ARL6IP6: variants seen among roughly 807,000 people sequenced by gnomAD.
ARL6IP6 encodes ADP-ribosylation factor-like protein 6-interacting protein 6.
Under a neutral mutation model 21.5 loss-of-function variants are expected in ARL6IP6, and 22 were observed. That is an observed-to-expected ratio of 1.02 (90% CI 0.73 to 1.46). The LOEUF is 1.46. ARL6IP6 is among the 40% of genes most tolerant of loss of function. The pLI is 0.00. For missense variants in ARL6IP6, 388 were observed against 299.8 expected (o/e 1.29, Z -2.17); for synonymous variants, 164 against 125.3 (o/e 1.31, Z -2.06).
At chr2:152,734,359 A>G (rs1700457322) in intron 2 of ARL6IP6, among the ~76,000 whole-genome samples, 1 of 148,426 alleles carries the variant, frequency 6.7e-6, no homozygotes, top group Non-Finnish European at 1.5e-5. Context: ...TTCATAAGAA[A>G]ACTGTAAAGA....
upstream of ARL6IP6, chr2:152,717,648 G>A: frequency 2.1e-6 from 3 of 1,423,426 alleles, 1 homozygote; most frequent in African/African-American, 2.9e-5. Flanking sequence ...GGGGGAGGAG[G>A]AGGACGGAGG....
chr2:152,740,125 T>C (rs185568628), intron 3 of ARL6IP6, among the ~76,000 whole-genome samples: 5 of 152,228 alleles, frequency 3.3e-5, no homozygotes, highest in Admixed American at 3.3e-4. Flanking sequence ...TGAGACAAGG[T>C]CTGGTTTGGT....
intron 3 of ARL6IP6, among the ~76,000 whole-genome samples, chr2:152,747,122 G>A (rs527993073): frequency 1.3e-5 from 2 of 151,984 alleles, no homozygotes; most frequent in East Asian, 1.9e-4. Flanking sequence ...GAGCCACCAC[G>A]CCCAGCCAAC....
intron 1 of ARL6IP6, 94 bp downstream of exon 1, chr2:152,719,118 G>A: frequency 2.9e-6 from 4 of 1,364,816 alleles, no homozygotes; most frequent in Non-Finnish European, 3.8e-6. Flanking sequence ...CTCGCGCTAA[G>A]CCCTCAGGCT....
In ARL6IP6 at chr2:152,735,082, A is replaced by G. The variant is rs763848825; in HGVS notation, c.543A>G (p.Glu181=). The G allele has an allele frequency of 1.3e-5, 21 of 1,613,764 alleles. No individual in the cohort carries two copies. Among genetic ancestry groups the G allele is most frequent in the Non-Finnish European group, 1.7e-5 (20 of 1,179,808 alleles). Residue 181 remains glutamate, a synonymous_variant, in exon 3 of 4, where the codon GAA becomes GAG. Transcript: ENST00000326446. ...CAGTGACTTACTTTGATTCTTTTGA[A>G]CCAGGAATGTTTCCTCCTACTCCTC... ...SWTVTYFDSF[E]PGMFPPTPLS...
At chr2:152,718,021 A>AG, upstream of ARL6IP6, 1 of 994,288 alleles carries the variant, frequency 1.0e-6, no homozygotes, top group Non-Finnish European at 1.2e-6. Context: ...CTGGGGAAGG[A>AG]GGCGTGTCGA....
intron 1 of ARL6IP6, 32 bp from the exon 2 acceptor site, chr2:152,720,501 T>A: frequency 6.2e-7 from 1 of 1,604,996 alleles, no homozygotes; most frequent in South Asian, 1.1e-5. Context: ...ATAGTATTGC[T>A]TTCCTACCTA....
chr2:152,748,853 T>C (rs1173656041), intron 3 of ARL6IP6, among the ~76,000 whole-genome samples: 1 of 152,210 alleles, frequency 6.6e-6, no homozygotes, highest in African/African-American at 2.4e-5. Context: ...GTGTTTAGTA[T>C]TGTAGTATAG....
rs1378272205 is a variant in ARL6IP6 at position 152,759,791 on chromosome 2, T to C, written c.632T>C (p.Ile211Thr). The C allele has an allele frequency of 1.9e-6, 3 of 1,613,592 alleles. No homozygotes were observed. Among genetic ancestry groups the C allele is most frequent in the Admixed American group, 1.7e-5 (1 of 60,020 alleles). Residue 211 changes from isoleucine (I) to threonine (T), a missense_variant, in exon 4 of 4, where the codon ATT becomes ACT. Coordinates refer to ENST00000326446, the MANE Select transcript of ARL6IP6 (RefSeq NM_152522.7). Reference sequence around the variant, plus strand: ...TTCCACATGGGCTATAGCATGGCGATTTTGAATGGCATCGTAGCTGCTCTT... The same window carrying C: ...TTCCACATGGGCTATAGCATGGCGACTTTGAATGGCATCGTAGCTGCTCTT... ...HSFHMGYSMA[I>T]LNGIVAALTV...
At chr2:152,745,906 T>G (rs539753325) in intron 3 of ARL6IP6, among the ~76,000 whole-genome samples, 3 of 151,924 alleles carry the variant, frequency 2.0e-5, no homozygotes, top group Non-Finnish European at 2.9e-5. Flanking sequence ...AATGGAGATA[T>G]GCATAGATAT....
chr2:152,757,615 C>T (rs1042409309), intron 3 of ARL6IP6, among the ~76,000 whole-genome samples: 1 of 152,122 alleles, frequency 6.6e-6, no homozygotes, highest in East Asian at 1.9e-4. Context: ...GAGAGAAAGC[C>T]TGCAGGGATT....
chr2:152,722,609 A>G (rs915000835), intron 2 of ARL6IP6, among the ~76,000 whole-genome samples: 1 of 152,184 alleles, frequency 6.6e-6, no homozygotes, highest in Non-Finnish European at 1.5e-5. Context: ...TCTTAATAAG[A>G]TTGAGGTGAT....
intron 3 of ARL6IP6, among the ~76,000 whole-genome samples, chr2:152,746,001 C>G (rs1258169682): frequency 1.5e-5 from 1 of 66,388 alleles, no homozygotes; most frequent in East Asian, 7.5e-4. Flanking sequence ...TGCTTTGTAC[C>G]TTTTTTTTTT....
chr2:152,738,245 A>G (rs6721634), intron 3 of ARL6IP6, among the ~76,000 whole-genome samples: 6,342 of 152,294 alleles, frequency 0.042, 280 homozygotes, highest in African/African-American at 0.11. Context: ...TTTGCAGGGT[A>G]CAGCCTCCCT....
intron 3 of ARL6IP6, among the ~76,000 whole-genome samples, chr2:152,749,244 T>G (rs1393921739): frequency 6.6e-6 from 1 of 151,886 alleles, no homozygotes; most frequent in Non-Finnish European, 1.5e-5. Flanking sequence ...AAGTCTGGGT[T>G]CTCCAGTGAA....
At chr2:152,746,971 G>A (rs1021893610) in intron 3 of ARL6IP6, among the ~76,000 whole-genome samples, 1 of 151,518 alleles carries the variant, frequency 6.6e-6, no homozygotes, top group African/African-American at 2.4e-5. Flanking sequence ...GACTACAGGC[G>A]AGTGCTGCTA....
chr2:152,723,756 T>C (rs1034983589), intron 2 of ARL6IP6, among the ~76,000 whole-genome samples: 1 of 152,126 alleles, frequency 6.6e-6, no homozygotes, highest in Non-Finnish European at 1.5e-5. Context: ...CTGTAGATTT[T>C]GTTTTGGCCA....
chr2:152,721,972 A>T (rs981786638), intron 2 of ARL6IP6, among the ~76,000 whole-genome samples: 2 of 152,236 alleles, frequency 1.3e-5, no homozygotes, highest in African/African-American at 4.8e-5. Flanking sequence ...CAAGATTATT[A>T]GGCTTCTCAG....
intron 2 of ARL6IP6, among the ~76,000 whole-genome samples, chr2:152,725,228 G>T (rs1699985009): frequency 6.6e-6 from 1 of 152,082 alleles, no homozygotes; most frequent in Non-Finnish European, 1.5e-5. Context: ...AATACGTTTT[G>T]GGATTTTAGT....
Sources: gnomAD v4.1 joint callset for allele counts (sites outside exome capture counted in the v4.1 genomes callset) on GRCh38, gnomAD v4.1.1 for gene constraint, MANE v1.5 for transcripts, NCBI Gene and HGNC (gene_info 2026-07-23, HGNC 2026-07-21) for gene names.